LRP1B: variants seen among roughly 807,000 people sequenced by gnomAD.
LRP1B encodes low-density lipoprotein receptor-related protein 1B.
LRP1B carries 217 observed loss-of-function variants against 556.6 expected under a neutral mutation model. The observed-to-expected ratio is 0.39, with a 90% CI of 0.35 to 0.44. The LOEUF is 0.44. LRP1B is among the 20% of genes least tolerant of loss of function. The pLI, the probability that LRP1B is intolerant of heterozygous loss-of-function variation, is 1.00. For synonymous variants in LRP1B, 2,047 were observed against 1,865.8 expected, an observed-to-expected ratio of 1.10 and a Z score of -2.50; for missense variants, 5,053 against 5,620.8, an observed-to-expected ratio of 0.90 and a Z score of 3.23.
chr2:140,366,702 C>A (rs1427943669), intron 71 of LRP1B, among the ~76,000 whole-genome samples: 1 of 151,558 alleles, frequency 6.6e-6, no homozygotes, highest in Non-Finnish European at 1.5e-5. Context: ...TAATGCTAAG[C>A]AGGTTTAGTG....
intron 3 of LRP1B, among the ~76,000 whole-genome samples, chr2:141,418,463 G>T: frequency 7.1e-6 from 1 of 139,898 alleles, no homozygotes; most frequent in African/African-American, 2.9e-5. Context: ...TGGATACCCA[G>T]TTACTCAACA....
At chr2:140,840,810 T>G in intron 30 of LRP1B, 108 bp downstream of exon 30, 1 of 765,922 alleles carries the variant, frequency 1.3e-6, no homozygotes, top group Non-Finnish European at 2.0e-6. Context: ...TTTTAACTCT[T>G]ATGGCTGTTA....
At chr2:141,451,055 A>C (rs567795297) in intron 3 of LRP1B, among the ~76,000 whole-genome samples, 1 of 152,332 alleles carries the variant, frequency 6.6e-6, no homozygotes, top group African/African-American at 2.4e-5. Context: ...TTCCAAGACA[A>C]GCTCAGGAAT....
At chr2:141,587,291 GA>G (rs1161789966) in intron 2 of LRP1B, among the ~76,000 whole-genome samples, 2 of 152,062 alleles carry the variant, frequency 1.3e-5, no homozygotes, top group African/African-American at 4.8e-5. Context: ...AACCACATAG[GA>G]CAATTAACAA....
intron 2 of LRP1B, among the ~76,000 whole-genome samples, chr2:141,714,889 T>C (rs1692518776): frequency 6.6e-6 from 1 of 152,180 alleles, no homozygotes; most frequent in African/African-American, 2.4e-5. Context: ...AAGTTTTGTC[T>C]TGTTTTGTTT....
chr2:141,841,683 C>A (rs1697477078), intron 1 of LRP1B, among the ~76,000 whole-genome samples: 1 of 152,242 alleles, frequency 6.6e-6, no homozygotes, highest in Admixed American at 6.5e-5. Flanking sequence ...AAAACTTCAG[C>A]CTTCAGTGTA....
intron 5 of LRP1B, among the ~76,000 whole-genome samples, chr2:141,230,744 A>T (rs1188816267): frequency 2.6e-5 from 4 of 152,188 alleles, no homozygotes; most frequent in African/African-American, 9.6e-5. Flanking sequence ...ATCATTTATC[A>T]ATTACCAGAA....
In LRP1B at chr2:140,522,330, G is replaced by A. The variant is rs560440769; in HGVS notation, c.8026+3514C>T. Among the ~76,000 whole-genome samples, 4 of 151,644 alleles carry A rather than the reference G, an allele frequency of 2.6e-5. No homozygotes were observed. In the South Asian group the frequency reaches 8.3e-4, roughly 32 times the overall value. Reference sequence around the variant, plus strand: ...TAAAACTTGCTCCGAATGAATTTTGGGTAAACAATGAAATTAAAGCAGATA... The same window carrying A: ...TAAAACTTGCTCCGAATGAATTTTGAGTAAACAATGAAATTAAAGCAGATA... On this transcript the variant is annotated intron_variant, in intron 49 of 90. Transcript: ENST00000389484.
chr2:140,260,722 C>T (rs1681896923), intron 86 of LRP1B, among the ~76,000 whole-genome samples: 1 of 151,768 alleles, frequency 6.6e-6, no homozygotes, highest in Non-Finnish European at 1.5e-5. Context: ...TACGCAAATA[C>T]CATCATCTCA....
chr2:141,408,406 A>C (rs1408796259), intron 3 of LRP1B, among the ~76,000 whole-genome samples: 2 of 151,994 alleles, frequency 1.3e-5, no homozygotes, highest in African/African-American at 4.8e-5. Context: ...GGCCTCCCAA[A>C]GTGCTGGGAT....
chr2:141,617,126 T>C (rs952490053), intron 2 of LRP1B, among the ~76,000 whole-genome samples: 4 of 152,202 alleles, frequency 2.6e-5, no homozygotes, highest in African/African-American at 4.8e-5. Context: ...TTACTGTATT[T>C]TGATTACATT....
At chr2:142,000,142 G>A (rs975692649) in intron 1 of LRP1B, among the ~76,000 whole-genome samples, 1 of 151,904 alleles carries the variant, frequency 6.6e-6, no homozygotes, top group Non-Finnish European at 1.5e-5. Context: ...TTAATTGAAG[G>A]CCTTAAGGAC....
intron 1 of LRP1B, among the ~76,000 whole-genome samples, chr2:141,890,812 C>T (rs1008559536): frequency 4.0e-5 from 6 of 151,868 alleles, no homozygotes; most frequent in South Asian, 2.1e-4. Flanking sequence ...TATGGGAATC[C>T]GTTCAAAAAA....
At chr2:140,874,932 T>C (rs1559169251) in intron 25 of LRP1B, among the ~76,000 whole-genome samples, 1 of 151,656 alleles carries the variant, frequency 6.6e-6, no homozygotes, top group Non-Finnish European at 1.5e-5. Flanking sequence ...GGCGGGAGAA[T>C]TGCTTGAACC....
chr2:142,077,878 T>C (rs940269955), intron 1 of LRP1B, among the ~76,000 whole-genome samples: 2 of 152,148 alleles, frequency 1.3e-5, no homozygotes, highest in Non-Finnish European at 2.9e-5. Flanking sequence ...AACTAAAATA[T>C]GTTTGCCCAA....
At chr2:141,614,098 A>AAAAAAAAG (rs1553543037) in intron 2 of LRP1B, among the ~76,000 whole-genome samples, 1 of 150,746 alleles carries the variant, frequency 6.6e-6, no homozygotes, top group East Asian at 1.9e-4. Flanking sequence ...AAAAAAAAAA[A>AAAAAAAAG]AAAGAAAGAA....
At chr2:140,361,441 G>C (rs1056354665) in intron 72 of LRP1B, among the ~76,000 whole-genome samples, 26 of 139,828 alleles carry the variant, frequency 1.9e-4, no homozygotes, top group African/African-American at 6.0e-4. Flanking sequence ...AATAATTACA[G>C]ATCTACCTGT....
At chr2:140,785,895 G>T (rs573710344) in intron 32 of LRP1B, among the ~76,000 whole-genome samples, 13 of 152,072 alleles carry the variant, frequency 8.5e-5, no homozygotes, top group Non-Finnish European at 1.5e-4. Context: ...CACCTCGATT[G>T]CTTCTCCTAG....
chr2:140,850,413 T>C, intron 28 of LRP1B, 84 bp from the exon 29 acceptor site: 1 of 733,446 alleles, frequency 1.4e-6, no homozygotes, highest in Non-Finnish European at 2.2e-6. Context: ...CTTGATTTAA[T>C]ACATGTTAAC....
Sources: gnomAD v4.1 joint callset for allele counts (sites outside exome capture counted in the v4.1 genomes callset) on GRCh38, gnomAD v4.1.1 for gene constraint, MANE v1.5 for transcripts, NCBI Gene and HGNC (gene_info 2026-07-23, HGNC 2026-07-21) for gene names.